The following ELAVL4 variants were observed in gnomAD, a reference collection of about 807,000 sequenced individuals.
ELAVL4 encodes ELAV-like protein 4.
A neutral mutation model predicts 35.6 loss-of-function variants in ELAVL4; 1 was observed. The observed-to-expected ratio is 0.03, with a 90% CI of 0.01 to 0.13. The LOEUF (loss-of-function observed/expected upper bound fraction) is 0.13. Among genes scored for constraint, ELAVL4 ranks in the 10% least tolerant of loss-of-function variants. The pLI is 1.00. For synonymous variants in ELAVL4, 156 were observed against 171.0 expected (o/e 0.91, Z 0.69); for missense variants, 267 against 464.9 (o/e 0.57, Z 3.91).
intron 3 of ELAVL4, among the ~76,000 whole-genome samples, chr1:50,190,347 T>C (rs1168909488): frequency 2.0e-5 from 3 of 152,272 alleles, no homozygotes; most frequent in Non-Finnish European, 2.9e-5. Context: ...GCCTGACCAC[T>C]GTAGTCATTC....
intron 4 of ELAVL4, among the ~76,000 whole-genome samples, chr1:50,195,240 G>A (rs2148884688): frequency 6.6e-6 from 1 of 152,336 alleles, no homozygotes; most frequent in South Asian, 2.1e-4. Flanking sequence ...CACATGAGAA[G>A]ACTAGAAACT....
At chr1:50,105,521 T>G (rs948079382), upstream of ELAVL4, among the ~76,000 whole-genome samples, 2 of 152,194 alleles carry the variant, frequency 1.3e-5, no homozygotes, top group African/African-American at 4.8e-5. Context: ...AAGATGCTAG[T>G]GTTTCTCATG....
rs532530730 is a variant in ELAVL4, at chr1:50,166,017, G to A, written c.251-11072G>A. ...GAGAAAGATGTAGGCTGGGAGGCTA[G>A]GCCAGTCTCTCCTTTTCACGTTTTT... On this transcript the variant is annotated intron_variant, in intron 2 of 6. Coordinates refer to ENST00000371824, the MANE Select transcript of ELAVL4 (RefSeq NM_001144774.3). Among the ~76,000 whole-genome samples the A allele has an allele frequency of 5.6e-4, 85 of 152,082 alleles. 1 individual carries two copies. The highest frequency in any genetic ancestry group is 1.9e-3 in the African/African-American group (78 of 41,462).
chr1:50,104,582 TG>T (rs1415456052), upstream of ELAVL4, among the ~76,000 whole-genome samples: 2 of 152,242 alleles, frequency 1.3e-5, no homozygotes, highest in Non-Finnish European at 2.9e-5. Context: ...AAAATATTAC[TG>T]TCAACACCTG....
intron 1 of ELAVL4, among the ~76,000 whole-genome samples, chr1:50,124,552 T>G (rs1051266968): frequency 6.6e-6 from 1 of 152,140 alleles, no homozygotes; most frequent in Non-Finnish European, 1.5e-5. Context: ...AAGCCCATGT[T>G]CTGTCTCCTA....
At chr1:50,195,894 C>T (rs1644025666) in intron 5 of ELAVL4, 108 bp downstream of exon 5, 1 of 1,274,912 alleles carries the variant, frequency 7.8e-7, no homozygotes, top group Non-Finnish European at 1.1e-6. Flanking sequence ...AAGCTTCCAC[C>T]CCCAGGAATC....
intron 1 of ELAVL4, among the ~76,000 whole-genome samples, chr1:50,069,232 A>G (rs1415044223): frequency 6.6e-6 from 1 of 152,170 alleles, no homozygotes; most frequent in Non-Finnish European, 1.5e-5. Flanking sequence ...GGTGACAAGG[A>G]CACCTCATTC....
intron 1 of ELAVL4, among the ~76,000 whole-genome samples, chr1:50,075,971 G>C (rs11205679): frequency 0.18 from 27,796 of 151,900 alleles, 3,293 homozygotes; most frequent in East Asian, 0.41. Flanking sequence ...GGGATTACAG[G>C]CATGCACCAC....
chr1:50,129,316 C>G (rs1670468116), intron 1 of ELAVL4, among the ~76,000 whole-genome samples: 1 of 151,962 alleles, frequency 6.6e-6, no homozygotes, highest in Non-Finnish European at 1.5e-5. Context: ...GAGGATGGAC[C>G]AAGAACAACC....
At position 50,193,878 on chromosome 1, in the gene ELAVL4, C is replaced by T. The variant is rs112672858; in HGVS notation, c.468C>T (p.Gly156=). The T allele has an allele frequency of 3.1e-6, 5 of 1,614,104 alleles. No homozygotes were observed. Among genetic ancestry groups the T allele is most frequent in the Non-Finnish European group, 4.2e-6 (5 of 1,179,982 alleles). The change falls in exon 4 of 7, where the codon GGC becomes GGT. Residue 156 remains glycine (G), a synonymous_variant. Coordinates refer to ENST00000371824, the MANE Select transcript of ELAVL4 (RefSeq NM_001144774.3). ...KELEQLFSQY[G]RIITSRILVD... is the part of the protein sequence containing the mutation. ...TGGAGCAACTTTTCTCGCAATACGG[C>T]CGTATCATCACCTCACGAATCCTGG...
At chr1:50,095,081 T>C (rs920714454) in intron 1 of ELAVL4, among the ~76,000 whole-genome samples, 6 of 152,202 alleles carry the variant, frequency 3.9e-5, no homozygotes, top group African/African-American at 1.4e-4. Context: ...GGATTTCAGA[T>C]AGCAATGACT....
chr1:50,058,136 T>C (rs1235508162), intron 1 of ELAVL4, among the ~76,000 whole-genome samples: 1 of 152,240 alleles, frequency 6.6e-6, no homozygotes, highest in Non-Finnish European at 1.5e-5. Context: ...TTTAGTGCTA[T>C]GTCCCTCTAA....
chr1:50,180,823 G>A (rs1022438889), intron 3 of ELAVL4: 6 of 152,158 alleles, frequency 3.9e-5, no homozygotes, highest in Non-Finnish European at 8.8e-5. Context: ...GCCAGAAGAG[G>A]AGCTGCTTAA....
intron 1 of ELAVL4, among the ~76,000 whole-genome samples, chr1:50,134,222 G>A (rs890759989): frequency 6.6e-6 from 1 of 152,120 alleles, no homozygotes; most frequent in East Asian, 1.9e-4. Context: ...AGTTTGCTGC[G>A]ACTGAGCCAC....
At chr1:50,054,704 A>T (rs377037967) in intron 1 of ELAVL4, among the ~76,000 whole-genome samples, 1 of 152,206 alleles carries the variant, frequency 6.6e-6, no homozygotes, top group South Asian at 2.1e-4. Flanking sequence ...AGAGGTGGAC[A>T]GCCATTATTA....
chr1:50,067,920 C>A (rs573931363), intron 1 of ELAVL4, among the ~76,000 whole-genome samples: 1 of 152,130 alleles, frequency 6.6e-6, no homozygotes, highest in Non-Finnish European at 1.5e-5. Flanking sequence ...CTCCTGAGAA[C>A]TCACTCGCTA....
intron 1 of ELAVL4, among the ~76,000 whole-genome samples, chr1:50,058,730 C>A (rs981021849): frequency 2.0e-5 from 3 of 151,860 alleles, no homozygotes; most frequent in African/African-American, 7.3e-5. Context: ...CCTTCCACCT[C>A]AGCCTCCTTA....
chr1:50,163,647 A>C (rs1423645118), intron 2 of ELAVL4, among the ~76,000 whole-genome samples: 1 of 152,120 alleles, frequency 6.6e-6, no homozygotes, highest in Non-Finnish European at 1.5e-5. Context: ...CCAACATTGC[A>C]AAATCTCGTC....
At chr1:50,104,035 A>T (rs1666127004), upstream of ELAVL4, 2 of 1,612,514 alleles carry the variant, frequency 1.2e-6, no homozygotes, top group South Asian at 2.2e-5. Context: ...AGCCTGGCAG[A>T]TGGTAGACCG....
Sources: gnomAD v4.1 joint callset for allele counts (sites outside exome capture counted in the v4.1 genomes callset) on GRCh38, gnomAD v4.1.1 for gene constraint, MANE v1.5 for transcripts, NCBI Gene and HGNC (gene_info 2026-07-23, HGNC 2026-07-21) for gene names.